The following SLC12A3 variants were observed in gnomAD, a reference collection of about 807,000 sequenced individuals.
SLC12A3 encodes solute carrier family 12 member 3, also known as Na-Cl cotransporter.
In SLC12A3, 104 loss-of-function variants were observed where a neutral mutation model predicts 121.0. The ratio of observed to expected loss-of-function variants is 0.86; its 90% CI spans 0.73 to 1.01. The LOEUF (loss-of-function observed/expected upper bound fraction) is 1.01, where lower values mean the gene tolerates loss of function less well. SLC12A3 is among the 50% of genes least tolerant of loss of function. The pLI is 0.00. For missense variants in SLC12A3, 1,328 were observed against 1,356.3 expected (o/e 0.98, Z 0.33); for synonymous variants, 536 against 533.4 (o/e 1.00, Z -0.07).
At chr16:56,907,718 G>T (rs1418715845) in intron 25 of SLC12A3, among the ~76,000 whole-genome samples, 1 of 152,092 alleles carries the variant, frequency 6.6e-6, no homozygotes, top group Admixed American at 6.5e-5. Context: ...GCTCTCTGGG[G>T]CCTCTTTATA....
In SLC12A3 at chr16:56,868,386, T is replaced by G. The variant is rs758960855; in HGVS notation, c.505+14T>G. On this transcript the variant is annotated intron_variant, in intron 3 of 25. Coordinates refer to ENST00000563236, the MANE Select transcript of SLC12A3 (RefSeq NM_001126108.2). Reference sequence around the variant, plus strand: ...AGGCAGGCATCGGTGAGTGCCCCTCTGGGGAAGAGGAGGGAGGGCTTGCCT... The same window carrying G: ...AGGCAGGCATCGGTGAGTGCCCCTCGGGGGAAGAGGAGGGAGGGCTTGCCT... 3.2e-5 allele frequency: 52 copies of G among 1,608,566 alleles called. No homozygotes were observed. The highest frequency in any genetic ancestry group is 4.4e-5 in the Non-Finnish European group (52 of 1,177,248).
Position 56,913,662 on chromosome 16 carries a change from A to C in SLC12A3, c.*257A>C. 1 of 531,804 alleles carries C rather than the reference A, an allele frequency of 1.9e-6. No homozygotes were observed. Among genetic ancestry groups the C allele is most frequent in the South Asian group, 2.1e-5 (1 of 48,682 alleles). The allele number at this position is 531,804 out of a possible 1,614,324, so 32.9% of individuals were successfully genotyped here. A position where few individuals can be genotyped will look rare whatever the true frequency, so the allele number is the denominator to read the frequency against. On this transcript the variant is annotated 3_prime_UTR_variant, in exon 26 of 26. Coordinates refer to ENST00000563236, the MANE Select transcript of SLC12A3 (RefSeq NM_001126108.2). ...CAAGGAAAACTCTCTAAAGCATCCT[A>C]TTCCTTTTAAAGGATTTCTTTTGAT...
rs139224441 is a variant in SLC12A3 at position 56,910,120 on chromosome 16, G to T, written c.2925-3144G>T. ...AATCAAAATAGTAATAATCAACATTGCATTTTATGGCTTGGGCCTCTATAT... is the reference window on the plus strand; with the variant it reads ...AATCAAAATAGTAATAATCAACATTTCATTTTATGGCTTGGGCCTCTATAT... On this transcript the variant is annotated intron_variant, in intron 25 of 25. Coordinates refer to ENST00000563236, the MANE Select transcript of SLC12A3 (RefSeq NM_001126108.2). Among the ~76,000 whole-genome samples, 1,008 of 152,248 alleles carry T rather than the reference G, an allele frequency of 6.6e-3. 12 individuals carry two copies. Among genetic ancestry groups the T allele is most frequent in the African/African-American group, 0.023 (946 of 41,526 alleles).
At position 56,872,725 on chromosome 16, in the gene SLC12A3, C is replaced by T. The variant is rs199958831; in HGVS notation, c.1034C>T (p.Ser345Phe). 3 of 1,614,236 alleles carry T rather than the reference C, an allele frequency of 1.9e-6. No individual in the cohort carries two copies. The African/African-American group carries it at 4.0e-5, about 22-fold the overall frequency. ...GATGGCACCTTCTTCGGAATGTTCT[C>T]CATCTTCTTCCCCTCGGCCACAGGC... ...GPDGTFFGMFSIFFPSATGIL... is the reference protein window; with the variant it reads ...GPDGTFFGMFFIFFPSATGIL... Residue 345 changes from serine to phenylalanine, a missense_variant, in exon 8 of 26, where the codon TCC becomes TTC. Physicochemically the swap from Ser to Phe is radical, Grantham distance 155. Coordinates refer to ENST00000563236, the MANE Select transcript of SLC12A3 (RefSeq NM_001126108.2).
intron 9 of SLC12A3, 31 bp downstream of exon 9, chr16:56,878,192 G>T: frequency 6.5e-7 from 1 of 1,526,912 alleles, no homozygotes. Flanking sequence ...GTCAGGAGGG[G>T]GAGGGACCTG....
At chr16:56,896,583 C>T (rs2055464861) in intron 22 of SLC12A3, among the ~76,000 whole-genome samples, 1 of 150,684 alleles carries the variant, frequency 6.6e-6, no homozygotes, top group Non-Finnish European at 1.5e-5. Flanking sequence ...CCCATCTCTA[C>T]CAAAAAACTT....
rs750048458 is a variant in SLC12A3 at position 56,867,075 on chromosome 16, A to G, written c.288A>G (p.Glu96=). ...TGTGGTCTCTGGGCTGCCAGCAGGA[A>G]GGCAGACACCTGCATGCCCTGGCCT... ...LADLHSFLKQ[E]GRHLHALAFD... The change falls in exon 2 of 26, where the codon GAA becomes GAG. Residue 96 remains glutamate, a synonymous_variant. Transcript: ENST00000563236. The G allele has an allele frequency of 5.6e-6, 9 of 1,612,826 alleles. No individual in the cohort carries two copies. In the African/African-American group the frequency reaches 9.3e-5, roughly 17 times the overall value.
intron 25 of SLC12A3, 74 bp downstream of exon 25, chr16:56,904,536 C>A: frequency 7.0e-7 from 1 of 1,423,160 alleles, no homozygotes; most frequent in Non-Finnish European, 9.9e-7. Flanking sequence ...AGGGGCTCAG[C>A]AGGGGCACCA....
At chr16:56,908,415 G>A (rs1567450139) in intron 25 of SLC12A3, among the ~76,000 whole-genome samples, 1 of 152,078 alleles carries the variant, frequency 6.6e-6, no homozygotes, top group Non-Finnish European at 1.5e-5. Flanking sequence ...AAAGTGCTGG[G>A]ATTACAGGCG....
intron 25 of SLC12A3, chr16:56,904,672 C>T (rs1001575804): frequency 1.8e-5 from 10 of 568,660 alleles, no homozygotes; most frequent in African/African-American, 3.8e-5. Context: ...TGGCAGGGGT[C>T]GAGGGCCTCA....
chr16:56,904,236 C>T (rs2055576530), intron 24 of SLC12A3, 159 bp from the exon 25 acceptor site: 1 of 725,864 alleles, frequency 1.4e-6, no homozygotes, highest in African/African-American at 1.7e-5. Context: ...GGGTCCCCTT[C>T]TTCCTGGAGA....
At chr16:56,869,358 C>T (rs1156893517) in intron 3 of SLC12A3, among the ~76,000 whole-genome samples, 23 of 152,040 alleles carry the variant, frequency 1.5e-4, no homozygotes, top group Non-Finnish European at 4.4e-5. Flanking sequence ...GACGAAGTCT[C>T]ACTCTGTCAC....
At chr16:56,894,782 C>A in intron 22 of SLC12A3, 140 bp downstream of exon 22, 1 of 673,988 alleles carries the variant, frequency 1.5e-6, no homozygotes, top group Non-Finnish European at 2.7e-6. Flanking sequence ...AGGGCCAGCT[C>A]TCTCCAGGCC....
chr16:56,902,531 G>GGGGGGGCA, intron 24 of SLC12A3, 23 bp downstream of exon 24: 1 of 714,568 alleles, frequency 1.4e-6, no homozygotes, highest in Non-Finnish European at 2.4e-6. Context: ...GTGGGGGTGG[G>GGGGGGGCA]AAACGCGACA....
chr16:56,886,819 T>A (rs1397903964), intron 16 of SLC12A3, 134 bp from the exon 17 acceptor site: 16 of 1,220,722 alleles, frequency 1.3e-5, no homozygotes, highest in Non-Finnish European at 1.9e-5. Context: ...GTGTTTTCCC[T>A]TATCTGGGCA....
intron 21 of SLC12A3, among the ~76,000 whole-genome samples, chr16:56,893,408 G>A (rs2055416983): frequency 6.6e-6 from 1 of 151,448 alleles, no homozygotes; most frequent in Admixed American, 6.6e-5. Flanking sequence ...AACAAAAAAA[G>A]TGACTTTAAG....
At position 56,879,569 on chromosome 16, in the gene SLC12A3, C is replaced by T. The variant is rs760771598; in HGVS notation, c.1363C>T (p.Pro455Ser). ...CATGAGCATGGTGTCAGGCTTCGCG[C>T]CCCTGATCACGGCTGGCATCTTCGG... Reference protein sequence around the residue: ...QTMSMVSGFAPLITAGIFGAT... With the variant: ...QTMSMVSGFASLITAGIFGAT... Residue 455 changes from proline to serine, a missense_variant, in exon 11 of 26, where the codon CCC becomes TCC. Coordinates refer to ENST00000563236, the MANE Select transcript of SLC12A3 (RefSeq NM_001126108.2). 1.2e-6 allele frequency: 2 copies of T among 1,613,816 alleles called. No individual in the cohort carries two copies. Among genetic ancestry groups the T allele is most frequent in the East Asian group, 2.2e-5 (1 of 44,870 alleles).
intron 24 of SLC12A3, among the ~76,000 whole-genome samples, chr16:56,903,352 A>AGCGAGAGCGATGGGG (rs2055564671): frequency 6.6e-6 from 1 of 152,084 alleles, no homozygotes; most frequent in South Asian, 2.1e-4. Flanking sequence ...TAGGAGTGCG[A>AGCGAGAGCGATGGGG]GCGAGAGCGA....
At chr16:56,898,113 G>T (rs1052593264) in intron 22 of SLC12A3, among the ~76,000 whole-genome samples, 5 of 152,168 alleles carry the variant, frequency 3.3e-5, no homozygotes, top group Non-Finnish European at 7.4e-5. Context: ...AACCAGTCCA[G>T]TGGTCCCTAA....
Sources: allele counts gnomAD v4.1 joint callset (sites outside exome capture counted in the v4.1 genomes callset), GRCh38; gene constraint gnomAD v4.1.1; transcripts MANE v1.5; gene names NCBI Gene and HGNC (gene_info 2026-07-23, HGNC 2026-07-21).